ST7: variants seen among roughly 807,000 people sequenced by gnomAD.
The protein encoded by ST7 is suppression of tumorigenicity 7.
ST7 carries 28 observed loss-of-function variants against 78.7 expected under a neutral mutation model. That is an observed-to-expected ratio of 0.36 (90% CI 0.26 to 0.49). The LOEUF (loss-of-function observed/expected upper bound fraction) is 0.49, where lower values mean the gene tolerates loss of function less well. Ranked by LOEUF, ST7 falls within the 20% of genes least tolerant of loss-of-function variation. The pLI is 0.99. For synonymous variants in ST7, 247 were observed against 249.6 expected (o/e 0.99, Z 0.10); for missense variants, 418 against 696.0 (o/e 0.60, Z 4.49).
At chr7:117,065,204 CTTTTTTTTTT>C (rs11363365) in intron 1 of ST7, among the ~76,000 whole-genome samples, 1 of 91,822 alleles carries the variant, frequency 1.1e-5, no homozygotes, top group African/African-American at 4.1e-5. Context: ...TGGTTCAAGT[CTTTTTTTTTT>C]TTTTTTTTTT....
In ST7 at chr7:117,051,077, C is replaced by G. The variant is rs1563043290; in HGVS notation, c.152-48685C>G. 2.0e-5 allele frequency among the ~76,000 whole-genome samples: 3 copies of G among 152,026 alleles called. No individual in the cohort carries two copies. The East Asian group carries it at 5.8e-4, about 29-fold the overall frequency. On this transcript the variant is annotated intron_variant, in intron 1 of 15. Coordinates refer to ENST00000323984, the MANE Select transcript of ST7 (RefSeq NM_001369598.1). ...ACCTACACAGTTCAAATTTGTGATT[C>G]CAGGGTCAACTGTACTTGTAGAAAT...
chr7:117,164,128 A>G (rs192841403), intron 9 of ST7, among the ~76,000 whole-genome samples: 3 of 152,316 alleles, frequency 2.0e-5, no homozygotes, highest in Admixed American at 2.0e-4. Context: ...ACTGCATGGT[A>G]CTGGCATCAA....
chr7:116,989,877 T>G (rs1435998213), intron 1 of ST7, among the ~76,000 whole-genome samples: 1 of 152,176 alleles, frequency 6.6e-6, no homozygotes, highest in African/African-American at 2.4e-5. Context: ...TGGTGATCCT[T>G]GATTGATAGA....
Position 117,097,895 on chromosome 7 carries a change from TATATATATA to T in ST7, c.152-1866_152-1858del, listed in dbSNP as rs1433605710. On this transcript the variant is annotated intron_variant, in intron 1 of 15. Coordinates refer to ENST00000323984, the MANE Select transcript of ST7 (RefSeq NM_001369598.1). ...TGACATATCACTATATATATATATA[TATATATATA>T]TATATTTTTTTTTTTTTTTTTTTTG... Among the ~76,000 whole-genome samples, 7 of 24,380 alleles carry T rather than the reference TATATATATA, an allele frequency of 2.9e-4. 1 individual carries two copies. Among genetic ancestry groups the T allele is most frequent in the South Asian group, 1.3e-3 (1 of 782 alleles). The allele number at this position is 24,380 out of a possible 152,430, so 16.0% of individuals were successfully genotyped here. A position where few individuals can be genotyped will look rare whatever the true frequency, so the allele number is the denominator to read the frequency against.
At chr7:117,042,737 T>A (rs976030780) in intron 1 of ST7, among the ~76,000 whole-genome samples, 6 of 152,190 alleles carry the variant, frequency 3.9e-5, no homozygotes, top group African/African-American at 1.2e-4. Context: ...TCCAAGATTT[T>A]AAAAAAATAT....
At chr7:117,213,333 A>G (rs1792438827) in intron 13 of ST7, among the ~76,000 whole-genome samples, 1 of 152,226 alleles carries the variant, frequency 6.6e-6, no homozygotes, top group South Asian at 2.1e-4. Flanking sequence ...AATTCAGGGA[A>G]GAAGGTAACA....
intron 1 of ST7, among the ~76,000 whole-genome samples, chr7:117,047,889 G>A (rs1797573342): frequency 6.6e-6 from 1 of 152,172 alleles, no homozygotes; most frequent in African/African-American, 2.4e-5. Flanking sequence ...CCCTTGAACA[G>A]TGCAGGGGTT....
chr7:117,164,353 T>C (rs1427101912), intron 9 of ST7, among the ~76,000 whole-genome samples: 1 of 152,218 alleles, frequency 6.6e-6, no homozygotes, highest in East Asian at 1.9e-4. Context: ...GTTTTTAGTT[T>C]TGTTTTTTGA....
intron 9 of ST7, among the ~76,000 whole-genome samples, chr7:117,155,166 A>G (rs559391956): frequency 3.3e-5 from 5 of 152,270 alleles, no homozygotes; most frequent in African/African-American, 1.2e-4. Context: ...GCTGAGATCT[A>G]AAGGGTGAGA....
At chr7:117,129,071 C>T (rs1406595133) in intron 3 of ST7, among the ~76,000 whole-genome samples, 2 of 151,724 alleles carry the variant, frequency 1.3e-5, no homozygotes, top group East Asian at 3.9e-4. Context: ...TAATGCTTGG[C>T]TTTTCTAAGT....
chr7:117,026,151 G>T (rs1159512082), intron 1 of ST7, among the ~76,000 whole-genome samples: 4 of 152,236 alleles, frequency 2.6e-5, no homozygotes, highest in Non-Finnish European at 5.9e-5. Context: ...TACACAGGAT[G>T]TGAATAGGAT....
At position 116,983,403 on chromosome 7, in the gene ST7, T is replaced by TC. The variant is rs1438188504; in HGVS notation, c.151+29718dup. 1.8e-4 allele frequency among the ~76,000 whole-genome samples: 28 copies of TC among 152,222 alleles called. No homozygotes were observed. In the East Asian group the frequency reaches 5.4e-3, roughly 29 times the overall value. ...TGTATGTAACCAGTATCTCTTAATA[T>TC]CCCCCCTCACCTCACTCTGGCTCTG... On this transcript the variant is annotated intron_variant, in intron 1 of 15. Coordinates refer to ENST00000323984, the MANE Select transcript of ST7 (RefSeq NM_001369598.1).
In ST7 at chr7:117,017,099, T is replaced by C. The variant is rs187497747; in HGVS notation, c.151+63408T>C. On this transcript the variant is annotated intron_variant, in intron 1 of 15. Transcript: ENST00000323984. ...GTTTTCAGGCTAACCATGTGGTTTT[T>C]TCAGGTCTTGTTGAAATGTCACCTT... 1.6e-3 allele frequency among the ~76,000 whole-genome samples: 247 copies of C among 152,332 alleles called. 1 individual carries two copies. Among genetic ancestry groups the C allele is most frequent in the Non-Finnish European group, 2.9e-3 (197 of 68,012 alleles).
At chr7:117,102,286 T>C (rs912050863) in intron 2 of ST7, among the ~76,000 whole-genome samples, 4 of 152,198 alleles carry the variant, frequency 2.6e-5, no homozygotes, top group African/African-American at 9.6e-5. Flanking sequence ...AACTCTTGGC[T>C]TCAGAGAACA....
intron 1 of ST7, among the ~76,000 whole-genome samples, chr7:116,957,522 T>C (rs527874699): frequency 6.6e-6 from 1 of 152,316 alleles, no homozygotes; most frequent in African/African-American, 2.4e-5. Flanking sequence ...TTTGAGGCTC[T>C]GCTCTTGATT....
At chr7:116,960,319 A>G (rs1380478898) in intron 1 of ST7, among the ~76,000 whole-genome samples, 1 of 152,002 alleles carries the variant, frequency 6.6e-6, no homozygotes, top group East Asian at 1.9e-4. Context: ...CCTCCCAAGT[A>G]GCTGGGATTA....
rs1792895405 is a variant in ST7 at position 117,219,034 on chromosome 7, G to C, written c.1406-50G>C. The C allele has an allele frequency of 6.7e-7, 1 of 1,503,000 alleles. No individual in the cohort carries two copies. Among genetic ancestry groups the C allele is most frequent in the South Asian group, 1.2e-5 (1 of 83,774 alleles). 93.1% of individuals were successfully genotyped at this position (1,503,000 alleles called of 1,614,324 possible). ...AAACGCCCCTTTTTGCAGTTGGGAA[G>C]TTATGACACAAACATTGGACATCTC... On this transcript the variant is annotated intron_variant, in intron 13 of 15. Coordinates refer to ENST00000323984, the MANE Select transcript of ST7 (RefSeq NM_001369598.1). The surrounding 1 kb of genome is among the most constrained non-coding windows in gnomAD (Gnocchi z 5.1).
At chr7:117,087,880 T>C (rs1800284349) in intron 1 of ST7, among the ~76,000 whole-genome samples, 1 of 152,192 alleles carries the variant, frequency 6.6e-6, no homozygotes, top group African/African-American at 2.4e-5. Flanking sequence ...CCCTCTGAAA[T>C]AATTCCCGCA....
chr7:117,170,280 C>T (rs1382346539), intron 9 of ST7, among the ~76,000 whole-genome samples: 1 of 151,940 alleles, frequency 6.6e-6, no homozygotes, highest in African/African-American at 2.4e-5. Context: ...TCCCACCTTA[C>T]CAGAAAAATA....
Sources: allele counts gnomAD v4.1 joint callset (sites outside exome capture counted in the v4.1 genomes callset), GRCh38; gene constraint gnomAD v4.1.1; non-coding constraint Gnocchi (gnomAD v3.1); transcripts MANE v1.5; gene names NCBI Gene and HGNC (gene_info 2026-07-23, HGNC 2026-07-21).